Variants in MGAT4C observed in about 807,000 individuals in gnomAD.
The protein encoded by MGAT4C is alpha-1,3-mannosyl-glycoprotein 4-beta-N-acetylglucosaminyltransferase C.
In MGAT4C, 19 loss-of-function variants were observed where a neutral mutation model predicts 40.1. That is an observed-to-expected ratio of 0.47 (90% CI 0.33 to 0.70). MGAT4C has a LOEUF of 0.70. Among genes scored for constraint, MGAT4C ranks in the 30% least tolerant of loss-of-function variants. The probability of loss-of-function intolerance (pLI) is 0.02; values close to 1 mark genes in which losing one functional copy is unlikely to be tolerated. For missense variants in MGAT4C, 491 were observed against 563.2 expected, an observed-to-expected ratio of 0.87 and a Z score of 1.30; for synonymous variants, 181 against 187.1, an observed-to-expected ratio of 0.97 and a Z score of 0.27.
intron 1 of MGAT4C, among the ~76,000 whole-genome samples, chr12:86,802,433 T>G (rs1210214755): frequency 1.3e-5 from 2 of 152,002 alleles, no homozygotes; most frequent in Non-Finnish European, 1.5e-5. Context: ...AGGCCTACAG[T>G]TTGAAAATGA....
intron 2 of MGAT4C, among the ~76,000 whole-genome samples, chr12:86,712,658 T>A (rs1950578110): frequency 6.6e-6 from 1 of 152,162 alleles, no homozygotes; most frequent in Non-Finnish European, 1.5e-5. Flanking sequence ...TAAAAATATG[T>A]TCATCTTCTA....
chr12:86,185,621 C>A (rs1335562824), intron 1 of MGAT4C, among the ~76,000 whole-genome samples: 2 of 152,130 alleles, frequency 1.3e-5, no homozygotes, highest in Non-Finnish European at 2.9e-5. Context: ...GACCAAATAT[C>A]ACTTAAACAT....
intron 1 of MGAT4C, among the ~76,000 whole-genome samples, chr12:86,091,403 T>G (rs1872854852): frequency 6.6e-6 from 1 of 152,102 alleles, no homozygotes; most frequent in Admixed American, 6.6e-5. Context: ...TATTTTTTGT[T>G]TTTTATGAAG....
At chr12:86,049,895 C>T (rs1384285456) in intron 1 of MGAT4C, among the ~76,000 whole-genome samples, 172 bp from the exon 2 acceptor site, 1 of 151,802 alleles carries the variant, frequency 6.6e-6, no homozygotes, top group East Asian at 1.9e-4. Context: ...AATATTTTAA[C>T]ATAATTTATC....
chr12:86,271,669 G>A (rs1952952841), intron 4 of MGAT4C, among the ~76,000 whole-genome samples: 1 of 152,088 alleles, frequency 6.6e-6, no homozygotes, highest in South Asian at 2.1e-4. Context: ...GAACAAAAAA[G>A]AATGAATATG....
At chr12:86,305,021 A>T (rs1592674119) in intron 4 of MGAT4C, among the ~76,000 whole-genome samples, 1 of 150,900 alleles carries the variant, frequency 6.6e-6, no homozygotes, top group South Asian at 2.1e-4. Flanking sequence ...TATGGCAGCC[A>T]TTAGGAAATT....
intron 2 of MGAT4C, among the ~76,000 whole-genome samples, chr12:86,700,170 CAGACAGACAGATAGATAGAT>C (rs1182102760): frequency 1.5e-5 from 2 of 135,906 alleles, no homozygotes; most frequent in African/African-American, 5.7e-5. Context: ...GACAGACAGA[CAGACAGACAGATAGATAGAT>C]AGATAGATAG....
intron 1 of MGAT4C, among the ~76,000 whole-genome samples, chr12:86,229,610 G>C (rs538176926): frequency 6.6e-6 from 1 of 151,992 alleles, no homozygotes; most frequent in East Asian, 1.9e-4. Context: ...ATACATAATA[G>C]AGTAATGATT....
At chr12:86,651,911 T>C (rs995640075) in intron 2 of MGAT4C, among the ~76,000 whole-genome samples, 1 of 151,768 alleles carries the variant, frequency 6.6e-6, no homozygotes, top group Non-Finnish European at 1.5e-5. Context: ...ATAAATCAAG[T>C]CAAATTTACA....
At position 85,957,657 on chromosome 12, in the gene MGAT4C, C is replaced by CAAAAAAAAAAAAAAAAG. The variant is rs1198928059; in HGVS notation, c.*21615_*21631dup. 6.9e-5 allele frequency: 7 copies of CAAAAAAAAAAAAAAAAG among 101,302 alleles called. No homozygotes were observed. The highest frequency in any genetic ancestry group is 2.1e-4 in the Admixed American group (2 of 9,396). 6.3% of individuals were successfully genotyped at this position (101,302 alleles called of 1,614,324 possible). ...TTTACTGTAGAGTTGAATAAGAAAG[C>CAAAAAAAAAAAAAAAAG]AAAAAAAAAAAAAAAAGAAAAAAGA... On this transcript the variant is annotated 3_prime_UTR_variant, in exon 5 of 5. Coordinates refer to ENST00000611864, the MANE Select transcript of MGAT4C (RefSeq NM_001351288.2).
At chr12:86,080,004 A>G (rs142645725) in intron 1 of MGAT4C, among the ~76,000 whole-genome samples, 5 of 149,464 alleles carry the variant, frequency 3.3e-5, no homozygotes, top group African/African-American at 1.2e-4. Flanking sequence ...TTGATCCCCT[A>G]CTCTACTCCT....
chr12:86,041,480 A>G (rs1706173517), intron 2 of MGAT4C, among the ~76,000 whole-genome samples: 1 of 152,002 alleles, frequency 6.6e-6, no homozygotes, highest in Non-Finnish European at 1.5e-5. Flanking sequence ...CCCTCTTAAC[A>G]TTACTTTTGC....
Position 86,325,403 on chromosome 12 carries a change from T to G in MGAT4C, c.-57+8662A>C, listed in dbSNP as rs906352836. Among the ~76,000 whole-genome samples the G allele has an allele frequency of 6.6e-4, 100 of 152,172 alleles. 1 individual carries two copies. Among genetic ancestry groups the G allele is most frequent in the African/African-American group, 2.1e-3 (86 of 41,454 alleles). On this transcript the variant is annotated intron_variant, in intron 4 of 7. Transcript: ENST00000548651. ...GTAGAGTGAAAAACAAAACAAAACC[T>G]TACCCCAATTCACAAATAAGTGTAC...
chr12:86,638,971 G>A (rs563999679), intron 2 of MGAT4C, among the ~76,000 whole-genome samples: 1 of 151,798 alleles, frequency 6.6e-6, no homozygotes, highest in Non-Finnish European at 1.5e-5. Context: ...GCAATATGAT[G>A]TAAAAAATGT....
Position 86,684,326 on chromosome 12 carries a change from C to G in MGAT4C, c.-229+42883G>C, listed in dbSNP as rs141366402. 5.5e-3 allele frequency among the ~76,000 whole-genome samples: 837 copies of G among 152,242 alleles called. 7 individuals are homozygous for G. The highest frequency in any genetic ancestry group is 0.017 in the African/African-American group (723 of 41,532). ...GTTAATTTGCTGAGAATGATGGTTT[C>G]CAGCTTCATCCATGTCCCTGCAAAA... On this transcript the variant is annotated intron_variant, in intron 2 of 7. Coordinates refer to the MGAT4C transcript ENST00000548651.
In MGAT4C at chr12:86,631,778, G is replaced by A. The variant is rs188669546; in HGVS notation, c.-229+95431C>T. ...TTCAAGATGGATTAAAGACTTAAAT[G>A]TTAGACCTAAAACTATAAAAACCCT... On this transcript the variant is annotated intron_variant, in intron 2 of 7. Coordinates refer to the MGAT4C transcript ENST00000548651. Among the ~76,000 whole-genome samples the A allele has an allele frequency of 1.0e-3, 152 of 152,154 alleles. 3 individuals are homozygous for A. The highest frequency in any genetic ancestry group is 3.5e-3 in the African/African-American group (144 of 41,476).
intron 2 of MGAT4C, among the ~76,000 whole-genome samples, chr12:86,041,855 C>A (rs1480861678): frequency 6.6e-6 from 1 of 152,120 alleles, no homozygotes; most frequent in Non-Finnish European, 1.5e-5. Context: ...AGTTCAGGTC[C>A]TGAATATCTT....
intron 2 of MGAT4C, among the ~76,000 whole-genome samples, chr12:86,440,796 T>C (rs940987616): frequency 5.3e-5 from 8 of 152,062 alleles, no homozygotes; most frequent in African/African-American, 1.7e-4. Context: ...ACAATATCAA[T>C]ATACACAAAT....
At chr12:86,042,629 T>A (rs781752501) in intron 2 of MGAT4C, among the ~76,000 whole-genome samples, 2 of 151,502 alleles carry the variant, frequency 1.3e-5, no homozygotes, top group Non-Finnish European at 2.9e-5. Flanking sequence ...TGAATGGGAG[T>A]TCGAGGTGGG....
Sources: allele counts gnomAD v4.1 joint callset (sites outside exome capture counted in the v4.1 genomes callset), GRCh38; gene constraint gnomAD v4.1.1; transcripts MANE v1.5; gene names NCBI Gene and HGNC (gene_info 2026-07-23, HGNC 2026-07-21).